The following ERC2 variants were observed in gnomAD, a reference collection of about 807,000 sequenced individuals.
ERC2 encodes ELKS/RAB6-interacting/CAST family member 2.
A neutral mutation model predicts 114.8 loss-of-function variants in ERC2; 42 were observed. The ratio of observed to expected loss-of-function variants is 0.37; its 90% CI spans 0.29 to 0.47. ERC2 has a LOEUF of 0.47. Ranked by LOEUF, ERC2 falls within the 20% of genes least tolerant of loss-of-function variation. ERC2 has a pLI of 0.99. For synonymous variants in ERC2, 454 were observed against 425.5 expected, an observed-to-expected ratio of 1.07 and a Z score of -0.82; for missense variants, 939 against 1,150.7, an observed-to-expected ratio of 0.82 and a Z score of 2.66.
intron 15 of ERC2, among the ~76,000 whole-genome samples, chr3:55,718,516 C>T (rs1285165013): frequency 1.3e-5 from 2 of 152,108 alleles, no homozygotes; most frequent in Non-Finnish European, 2.9e-5. Flanking sequence ...TTTTCTGGAC[C>T]AAATACCAGA....
At chr3:56,311,112 A>G (rs1560569974) in intron 2 of ERC2, among the ~76,000 whole-genome samples, 1 of 151,158 alleles carries the variant, frequency 6.6e-6, no homozygotes, top group Non-Finnish European at 1.5e-5. Flanking sequence ...TTGTTGAACT[A>G]TGTACTATTT....
intron 1 of ERC2, among the ~76,000 whole-genome samples, chr3:56,458,538 A>G (rs1482312625): frequency 6.6e-6 from 1 of 152,212 alleles, no homozygotes; most frequent in Non-Finnish European, 1.5e-5. Flanking sequence ...GCGTGCCCAC[A>G]CTAACTGCTC....
chr3:56,467,313 C>T (rs1042812561), intron 1 of ERC2, among the ~76,000 whole-genome samples: 2 of 152,124 alleles, frequency 1.3e-5, no homozygotes, highest in Non-Finnish European at 2.9e-5. Flanking sequence ...CAGAGGGAAC[C>T]GACAATTCAC....
intron 17 of ERC2, among the ~76,000 whole-genome samples, chr3:55,561,481 G>A (rs1181716734): frequency 6.6e-6 from 1 of 152,144 alleles, no homozygotes; most frequent in Non-Finnish European, 1.5e-5. Flanking sequence ...ATGGGCATTT[G>A]TCAGAACTTA....
chr3:56,029,265 G>A (rs541861226), intron 7 of ERC2, among the ~76,000 whole-genome samples: 6 of 150,534 alleles, frequency 4.0e-5, no homozygotes, highest in East Asian at 1.9e-4. Context: ...GTTGTTCTGC[G>A]GGTTTTTGGC....
chr3:55,665,000 T>C (rs963040098), intron 17 of ERC2, among the ~76,000 whole-genome samples: 3 of 152,138 alleles, frequency 2.0e-5, no homozygotes. Context: ...AATAACACAC[T>C]GAGACAGAGC....
At chr3:55,938,111 T>G (rs528562123) in intron 13 of ERC2, among the ~76,000 whole-genome samples, 1 of 149,894 alleles carries the variant, frequency 6.7e-6, no homozygotes, top group Admixed American at 6.6e-5. Flanking sequence ...GTCTGTCCAT[T>G]AGACAGGGCA....
chr3:56,133,255 T>G (rs1386833615), intron 6 of ERC2, among the ~76,000 whole-genome samples: 1 of 152,120 alleles, frequency 6.6e-6, no homozygotes, highest in East Asian at 1.9e-4. Context: ...CTGGGCAACA[T>G]GGCAAAACCC....
chr3:56,210,845 C>T (rs978001771), intron 3 of ERC2, among the ~76,000 whole-genome samples: 2 of 152,154 alleles, frequency 1.3e-5, no homozygotes, highest in African/African-American at 4.8e-5. Flanking sequence ...TATACTGACA[C>T]TTTTAATCTT....
chr3:56,088,348 T>G (rs1197364662), intron 6 of ERC2, among the ~76,000 whole-genome samples: 1 of 151,692 alleles, frequency 6.6e-6, no homozygotes, highest in Non-Finnish European at 1.5e-5. Flanking sequence ...ACTAAAACTG[T>G]TTTTTTTGTC....
intron 17 of ERC2, among the ~76,000 whole-genome samples, chr3:55,644,276 A>G (rs2060304273): frequency 1.3e-5 from 2 of 152,240 alleles, no homozygotes; most frequent in South Asian, 4.1e-4. Context: ...ACACGTCAAA[A>G]GTTAAGGGTT....
chr3:55,744,217 A>G (rs759560772), intron 14 of ERC2, among the ~76,000 whole-genome samples: 10 of 152,172 alleles, frequency 6.6e-5, no homozygotes, highest in Non-Finnish European at 1.5e-4. Context: ...AACCTGGCCA[A>G]CATGGTGAAA....
chr3:55,826,030 A>AGAGGAAGG (rs1279714570), intron 14 of ERC2, among the ~76,000 whole-genome samples: 2 of 149,560 alleles, frequency 1.3e-5, no homozygotes, highest in Non-Finnish European at 3.0e-5. Flanking sequence ...AAGGAGGAAG[A>AGAGGAAGG]GAGGAAGGAA....
At chr3:56,016,228 AT>A (rs1431510608) in intron 8 of ERC2, among the ~76,000 whole-genome samples, 16 of 151,920 alleles carry the variant, frequency 1.1e-4, no homozygotes, top group Admixed American at 3.9e-4. Flanking sequence ...CTATCTGTCA[AT>A]TTTTGCTTTT....
intron 17 of ERC2, among the ~76,000 whole-genome samples, chr3:55,526,174 G>A (rs578160401): frequency 5.9e-5 from 9 of 152,086 alleles, no homozygotes; most frequent in South Asian, 2.1e-4. Context: ...CCAGAAGCTC[G>A]GAAGAGGCAA....
intron 17 of ERC2, among the ~76,000 whole-genome samples, chr3:55,664,532 G>C (rs1193127625): frequency 1.3e-5 from 2 of 152,214 alleles, no homozygotes; most frequent in African/African-American, 2.4e-5. Context: ...GACGCCAGGC[G>C]GTGTTAATTG....
chr3:56,101,340 AAGAG>A (rs1391788610), intron 6 of ERC2, among the ~76,000 whole-genome samples: 20 of 152,214 alleles, frequency 1.3e-4, no homozygotes, highest in African/African-American at 4.8e-4. Flanking sequence ...ATAACACAGA[AAGAG>A]AGACTGTTTT....
At chr3:55,545,969 G>A (rs923249735) in intron 17 of ERC2, among the ~76,000 whole-genome samples, 35 of 152,200 alleles carry the variant, frequency 2.3e-4, no homozygotes, top group African/African-American at 6.0e-4. Flanking sequence ...CGCATACAGG[G>A]TTACTCAGTA....
intron 14 of ERC2, among the ~76,000 whole-genome samples, chr3:55,791,949 A>G (rs375362235): frequency 2.0e-5 from 3 of 152,328 alleles, no homozygotes; most frequent in East Asian, 3.9e-4. Flanking sequence ...CAGAGTTCTC[A>G]AAGTTAATCT....
Sources: gnomAD v4.1 joint callset for allele counts (sites outside exome capture counted in the v4.1 genomes callset) on GRCh38, gnomAD v4.1.1 for gene constraint, MANE v1.5 for transcripts, NCBI Gene and HGNC (gene_info 2026-07-23, HGNC 2026-07-21) for gene names.